The following BCAS3 variants were observed in gnomAD, a reference collection of about 807,000 sequenced individuals.
BCAS3 encodes BCAS3 microtubule associated cell migration factor.
In BCAS3, 53 loss-of-function variants were observed where a neutral mutation model predicts 116.1. The ratio of observed to expected loss-of-function variants is 0.46; its 90% CI spans 0.37 to 0.57. The LOEUF is 0.57. Among genes scored for constraint, BCAS3 ranks in the 20% least tolerant of loss-of-function variants. BCAS3 has a pLI of 0.00. For missense variants in BCAS3, 917 were observed against 1,165.4 expected (o/e 0.79, Z 3.10); for synonymous variants, 391 against 408.2 (o/e 0.96, Z 0.51).
At chr17:61,175,639 A>G (rs2079090225) in intron 22 of BCAS3, among the ~76,000 whole-genome samples, 1 of 152,228 alleles carries the variant, frequency 6.6e-6, no homozygotes, top group African/African-American at 2.4e-5. Flanking sequence ...AAACCTCAAT[A>G]CTGTTTTCCA....
rs1294931597 is a variant in BCAS3, at chr17:61,349,886, G to A, written c.2426-18441G>A. Among the ~76,000 whole-genome samples, 3 of 152,196 alleles carry A rather than the reference G, an allele frequency of 2.0e-5. No homozygotes were observed. Among genetic ancestry groups the A allele is most frequent in the Non-Finnish European group, 4.4e-5 (3 of 68,040 alleles). On this transcript the variant is annotated intron_variant, in intron 22 of 23. Transcript: ENST00000407086. This position sits in a 1 kb window ranked among gnomAD's most constrained non-coding sequence, Gnocchi z 4.7. ...CATAGAAGCAGTTCAGAAGGCCAGT[G>A]CCCTTTGTGTGAAATTGCAAATTTG...
Position 61,180,663 on chromosome 17 carries a change from G to A in BCAS3, c.2425+96099G>A, listed in dbSNP as rs896923329. The stretch of plus-strand genomic sequence containing the variant: ...CAGAAGCTTGCTACCTGTCTGAGGA[G>A]CATCAGTCCCATGCTTCGTGTCTGC... On this transcript the variant is annotated intron_variant, in intron 22 of 23. Transcript: ENST00000407086. The surrounding 1 kb of genome is among the most constrained non-coding windows in gnomAD (Gnocchi z 6.0). Among the ~76,000 whole-genome samples, 3 of 152,228 alleles carry A rather than the reference G, an allele frequency of 2.0e-5. No homozygotes were observed. Among genetic ancestry groups the A allele is most frequent in the Non-Finnish European group, 2.9e-5 (2 of 68,038 alleles).
At chr17:60,710,623 G>A (rs1039373552) in intron 5 of BCAS3, among the ~76,000 whole-genome samples, 5 of 151,738 alleles carry the variant, frequency 3.3e-5, no homozygotes, top group Non-Finnish European at 2.9e-5. Flanking sequence ...AGTACAGATG[G>A]GGTTTCACCA....
chr17:60,835,213 A>G (rs1225323101), intron 7 of BCAS3, among the ~76,000 whole-genome samples: 1 of 152,020 alleles, frequency 6.6e-6, no homozygotes. Context: ...TATTAAAGCT[A>G]TAAATATATT....
At chr17:60,919,872 A>G (rs1433173474) in intron 12 of BCAS3, among the ~76,000 whole-genome samples, 1 of 152,138 alleles carries the variant, frequency 6.6e-6, no homozygotes. Flanking sequence ...CTAAGAAATT[A>G]CTCAGAAAAA....
rs1054247117 is a variant in BCAS3 at position 61,281,260 on chromosome 17, T to C, written c.2426-87067T>C. Among the ~76,000 whole-genome samples, 3 of 152,250 alleles carry C rather than the reference T, an allele frequency of 2.0e-5. No individual in the cohort carries two copies. Among genetic ancestry groups the C allele is most frequent in the Admixed American group, 6.5e-5 (1 of 15,290 alleles). On this transcript the variant is annotated intron_variant, in intron 22 of 23. Coordinates refer to ENST00000407086, the MANE Select transcript of BCAS3 (RefSeq NM_017679.5). The surrounding 1 kb of genome is among the most constrained non-coding windows in gnomAD (Gnocchi z 4.2). ...TGTTGGATGTATAGATGGTCTTCAA[T>C]CTTTTGTCATTATAAACAGTGTTAA...
intron 6 of BCAS3, among the ~76,000 whole-genome samples, chr17:60,772,024 A>G (rs2044763117): frequency 6.6e-6 from 1 of 152,132 alleles, no homozygotes; most frequent in Admixed American, 6.5e-5. Context: ...ATACGTGTGC[A>G]TGTGTCTTTA....
At chr17:60,842,873 T>TA (rs2052086871) in intron 7 of BCAS3, among the ~76,000 whole-genome samples, 1 of 151,574 alleles carries the variant, frequency 6.6e-6, no homozygotes, top group South Asian at 2.1e-4. Context: ...TTTTTTTTTT[T>TA]TATATTTTTA....
At chr17:60,898,314 G>A (rs564433392) in intron 10 of BCAS3, among the ~76,000 whole-genome samples, 8 of 152,224 alleles carry the variant, frequency 5.3e-5, no homozygotes, top group South Asian at 2.1e-4. Flanking sequence ...TGCACATCAG[G>A]TGCAACAGTT....
intron 22 of BCAS3, among the ~76,000 whole-genome samples, chr17:61,272,531 C>T (rs374608498): frequency 7.1e-6 from 1 of 141,566 alleles, no homozygotes; most frequent in South Asian, 2.4e-4. Context: ...CTCAGCTACT[C>T]GGGAGGCTGA....
Position 61,128,708 on chromosome 17 carries a change from T to C in BCAS3, c.2425+44144T>C, listed in dbSNP as rs934750540. 21 of 640,384 alleles carry C rather than the reference T, an allele frequency of 3.3e-5. No individual in the cohort carries two copies. In the African/African-American group the frequency reaches 4.0e-4, roughly 12 times the overall value. The allele number at this position is 640,384 out of a possible 1,614,324, so 39.7% of individuals were successfully genotyped here. A position where few individuals can be genotyped will look rare whatever the true frequency, so the allele number is the denominator to read the frequency against. On this transcript the variant is annotated intron_variant, in intron 22 of 23. Coordinates refer to ENST00000407086, the MANE Select transcript of BCAS3 (RefSeq NM_017679.5). The surrounding 1 kb of genome is among the most constrained non-coding windows in gnomAD (Gnocchi z 4.1). Reference sequence around the variant, plus strand: ...CATCTGGAAACCAGCATATTGGCAGTCGTCTCACAACATGATTTTGCATTT... The same window carrying C: ...CATCTGGAAACCAGCATATTGGCAGCCGTCTCACAACATGATTTTGCATTT...
In BCAS3 at chr17:60,967,747, C is replaced by G. The variant is rs925688008; in HGVS notation, c.1221+20395C>G. On this transcript the variant is annotated intron_variant, in intron 14 of 23. Coordinates refer to ENST00000407086, the MANE Select transcript of BCAS3 (RefSeq NM_017679.5). The surrounding 1 kb of genome is among the most constrained non-coding windows in gnomAD (Gnocchi z 4.7). ...TGTTCTTTGTCCTTCTCCCACCACCCCCCACACCCCCAATTGTATTTTCAA... is the reference window on the plus strand; with the variant it reads ...TGTTCTTTGTCCTTCTCCCACCACCGCCCACACCCCCAATTGTATTTTCAA... 3.9e-5 allele frequency among the ~76,000 whole-genome samples: 6 copies of G among 152,030 alleles called. No homozygotes were observed. The highest frequency in any genetic ancestry group is 1.4e-4 in the African/African-American group (6 of 41,390).
At chr17:60,991,214 A>G (rs1035957734) in intron 15 of BCAS3, among the ~76,000 whole-genome samples, 4 of 152,202 alleles carry the variant, frequency 2.6e-5, no homozygotes, top group Non-Finnish European at 5.9e-5. Flanking sequence ...TAGAGTATGT[A>G]TATTTTGATA....
At position 61,307,645 on chromosome 17, in the gene BCAS3, A is replaced by G. The variant is rs2053954136; in HGVS notation, c.2426-60682A>G. ...GAGCTATATAAATCTGAGAAACTGT[A>G]GAGAGGACTCTAACTAATTTTATGT... On this transcript the variant is annotated intron_variant, in intron 22 of 23. Transcript: ENST00000407086. This position sits in a 1 kb window ranked among gnomAD's most constrained non-coding sequence, Gnocchi z 4.7. Among the ~76,000 whole-genome samples, 1 of 152,258 alleles carries G rather than the reference A, an allele frequency of 6.6e-6. No homozygotes were observed. Among genetic ancestry groups the G allele is most frequent in the Non-Finnish European group, 1.5e-5 (1 of 68,042 alleles).
At chr17:61,287,130 C>G (rs1241206680) in intron 22 of BCAS3, among the ~76,000 whole-genome samples, 1 of 151,892 alleles carries the variant, frequency 6.6e-6, no homozygotes, top group Admixed American at 6.6e-5. Context: ...CACCTGTAGT[C>G]TTAGCTACTG....
chr17:60,706,449 T>C (rs369556257), intron 4 of BCAS3, among the ~76,000 whole-genome samples: 2 of 150,636 alleles, frequency 1.3e-5, no homozygotes, highest in African/African-American at 5.0e-5. Flanking sequence ...ATAAAACATA[T>C]ACAAAATATA....
chr17:60,864,600 G>A (rs769610289), intron 7 of BCAS3, among the ~76,000 whole-genome samples: 4 of 152,084 alleles, frequency 2.6e-5, no homozygotes, highest in Admixed American at 6.6e-5. Context: ...TCTCCATATC[G>A]GCAATAAGCC....
rs542720483 is a variant in BCAS3, at chr17:61,152,829, C to T, written c.2425+68265C>T. Reference sequence around the variant, plus strand: ...CACAAATCAGTGAAAGATGTGCTTACCCCAACTGGGGCAAAGGATCTAAAA... The same window carrying T: ...CACAAATCAGTGAAAGATGTGCTTATCCCAACTGGGGCAAAGGATCTAAAA... On this transcript the variant is annotated intron_variant, in intron 22 of 23. Coordinates refer to ENST00000407086, the MANE Select transcript of BCAS3 (RefSeq NM_017679.5). Among the ~76,000 whole-genome samples, 3 of 152,266 alleles carry T rather than the reference C, an allele frequency of 2.0e-5. No homozygotes were observed. In the South Asian group the frequency reaches 6.2e-4, roughly 32 times the overall value.
At position 61,391,627 on chromosome 17, in the gene BCAS3, A is replaced by G. The variant is rs1382500453; in HGVS notation, c.2594-350A>G. 4 of 203,492 alleles carry G rather than the reference A, an allele frequency of 2.0e-5. No homozygotes were observed. The East Asian group carries it at 5.4e-4, about 27-fold the overall frequency. The allele number at this position is 203,492 out of a possible 1,614,324, so 12.6% of individuals were successfully genotyped here. A position where few individuals can be genotyped will look rare whatever the true frequency, so the allele number is the denominator to read the frequency against. The stretch of plus-strand genomic sequence containing the variant: ...CAGAAGGCACTGTGGAGTTGGGGGC[A>G]TGCTGGCTGAGCATGAGTGTGTGCA... On this transcript the variant is annotated intron_variant, in intron 23 of 23. Coordinates refer to ENST00000407086, the MANE Select transcript of BCAS3 (RefSeq NM_017679.5). The surrounding 1 kb of genome is among the most constrained non-coding windows in gnomAD (Gnocchi z 7.7).
Sources: gnomAD v4.1 joint callset for allele counts (sites outside exome capture counted in the v4.1 genomes callset) on GRCh38, gnomAD v4.1.1 for gene constraint, Gnocchi (gnomAD v3.1) non-coding constraint, MANE v1.5 for transcripts, NCBI Gene and HGNC (gene_info 2026-07-23, HGNC 2026-07-21) for gene names.